Variants in CDIN1 observed in about 807,000 individuals in gnomAD.
The protein encoded by CDIN1 is CDAN1-interacting nuclease 1.
CDIN1 carries 33 observed loss-of-function variants against 45.3 expected under a neutral mutation model. That is an observed-to-expected ratio of 0.73 (90% CI 0.55 to 0.97). CDIN1 has a LOEUF of 0.97. Among genes scored for constraint, CDIN1 ranks in the 50% least tolerant of loss-of-function variants. CDIN1 has a pLI of 0.00. For missense variants in CDIN1, 303 were observed against 339.4 expected (o/e 0.89, Z 0.84); for synonymous variants, 118 against 124.4 (o/e 0.95, Z 0.34).
At chr15:36,735,195 T>G (rs775058813) in intron 10 of CDIN1, among the ~76,000 whole-genome samples, 2 of 152,190 alleles carry the variant, frequency 1.3e-5, no homozygotes, top group African/African-American at 2.4e-5. Context: ...GTTGTATAAT[T>G]TACAATATAC....
At chr15:36,737,050 C>A (rs531676285) in intron 10 of CDIN1, among the ~76,000 whole-genome samples, 88 of 152,084 alleles carry the variant, frequency 5.8e-4, no homozygotes, top group African/African-American at 2.0e-3. Flanking sequence ...CGCCTGTAAT[C>A]CCAGCTACTT....
chr15:36,725,355 C>A (rs1342110169), intron 10 of CDIN1, among the ~76,000 whole-genome samples: 2 of 148,122 alleles, frequency 1.4e-5, no homozygotes, highest in African/African-American at 2.5e-5. Flanking sequence ...CAAGCTGAAA[C>A]CCTTACTTGG....
At chr15:36,808,248 T>G (rs1013074339) in intron 10 of CDIN1, 76 bp from the exon 11 acceptor site, 4 of 1,572,258 alleles carry the variant, frequency 2.5e-6, no homozygotes, top group African/African-American at 1.4e-5. Flanking sequence ...AATCATCTTA[T>G]CAGTGCCCCA....
chr15:36,697,167 A>G (rs1033267533), intron 7 of CDIN1, among the ~76,000 whole-genome samples, 156 bp from the exon 8 acceptor site: 5 of 151,984 alleles, frequency 3.3e-5, no homozygotes, highest in Non-Finnish European at 7.4e-5. Flanking sequence ...GAAAAATTCT[A>G]TCCAATTATT....
At chr15:36,656,980 C>T (rs985680835) in intron 4 of CDIN1, among the ~76,000 whole-genome samples, 8 of 152,062 alleles carry the variant, frequency 5.3e-5, no homozygotes, top group Non-Finnish European at 1.2e-4. Flanking sequence ...CATTATTGTT[C>T]TTAAAAATGT....
chr15:36,704,590 T>C (rs2042794918), intron 8 of CDIN1: 1 of 150,834 alleles, frequency 6.6e-6, no homozygotes, highest in Admixed American at 6.6e-5. Flanking sequence ...AAAACCAGAA[T>C]AAAACAAAAT....
At position 36,691,739 on chromosome 15, in the gene CDIN1, G is replaced by C; in HGVS notation, c.401G>C (p.Gly134Ala). The C allele has an allele frequency of 6.2e-7, 1 of 1,602,250 alleles. No individual in the cohort carries two copies. Among genetic ancestry groups the C allele is most frequent in the Middle Eastern group, 1.7e-4 (1 of 6,048 alleles). Residue 134 changes from glycine to alanine, a missense_variant, in exon 6 of 11, where the codon GGA (glycine) becomes GCA (alanine). Coordinates refer to ENST00000566621, the MANE Select transcript of CDIN1 (RefSeq NM_001321759.2). ...MLRDPSQIPDGVLANQVYQCI... is the reference protein window; with the variant it reads ...MLRDPSQIPDAVLANQVYQCI... ...CGGGACCCTTCTCAGATTCCAGATG[G>C]AGTTCTAGCAAATCAGGTCTATCAG...
intron 8 of CDIN1, chr15:36,706,433 G>A (rs1157968315): frequency 6.6e-6 from 1 of 151,732 alleles, no homozygotes; most frequent in Non-Finnish European, 1.5e-5. Context: ...GCCAACATGG[G>A]GAAACCTTGT....
chr15:36,719,011 G>A (rs2043314783), intron 10 of CDIN1, among the ~76,000 whole-genome samples: 1 of 151,504 alleles, frequency 6.6e-6, no homozygotes, highest in South Asian at 2.1e-4. Context: ...ATCTCTTGAG[G>A]CCAGGGGCTC....
intron 5 of CDIN1, among the ~76,000 whole-genome samples, chr15:36,674,127 C>G (rs10438399): frequency 0.025 from 3,829 of 152,166 alleles, 155 homozygotes; most frequent in African/African-American, 0.088. Context: ...TAAGCGTATG[C>G]TTGTGGTGTT....
chr15:36,694,238 A>G (rs2042347014), intron 7 of CDIN1, among the ~76,000 whole-genome samples: 1 of 152,194 alleles, frequency 6.6e-6, no homozygotes, highest in South Asian at 2.1e-4. Flanking sequence ...AGTTTCATAT[A>G]ATGTATAAAT....
intron 10 of CDIN1, among the ~76,000 whole-genome samples, chr15:36,741,334 C>G (rs16963978): frequency 0.036 from 5,543 of 152,208 alleles, 351 homozygotes; most frequent in African/African-American, 0.13. Context: ...ACTTTACCTT[C>G]CATATTTCCT....
intron 10 of CDIN1, among the ~76,000 whole-genome samples, chr15:36,718,812 C>CTTT (rs3045909): frequency 2.4e-4 from 23 of 96,642 alleles, no homozygotes; most frequent in East Asian, 6.9e-4. Flanking sequence ...AATTTGTATG[C>CTTT]TTTTTTTTTT....
chr15:36,618,423 A>C, intron 1 of CDIN1: 1 of 784,336 alleles, frequency 1.3e-6, no homozygotes, highest in East Asian at 2.4e-5. Context: ...GGGCAGGAGA[A>C]CTCTTTTCAG....
At chr15:36,707,450 A>G (rs1296430644) in intron 8 of CDIN1, 1 of 152,110 alleles carries the variant, frequency 6.6e-6, no homozygotes, top group East Asian at 1.9e-4. Flanking sequence ...GGGATTGTTA[A>G]TTCTCATATT....
At chr15:36,734,119 A>G (rs1206947672) in intron 10 of CDIN1, among the ~76,000 whole-genome samples, 5 of 152,234 alleles carry the variant, frequency 3.3e-5, no homozygotes, top group South Asian at 2.1e-4. Flanking sequence ...ATTGAAGTAT[A>G]TAACAGTGTT....
chr15:36,734,935 C>T (rs114677139), intron 10 of CDIN1, among the ~76,000 whole-genome samples: 3,195 of 152,246 alleles, frequency 0.021, 116 homozygotes, highest in African/African-American at 0.073. Context: ...CTAGTGAACA[C>T]TAGATACATA....
At chr15:36,707,288 TGA>T (rs2042901796) in intron 8 of CDIN1, 1 of 150,644 alleles carries the variant, frequency 6.6e-6, no homozygotes. Context: ...AGAGAAAGAG[TGA>T]GAGGGAGGGA....
At chr15:36,793,382 C>T (rs1852700673) in intron 10 of CDIN1, among the ~76,000 whole-genome samples, 1 of 151,874 alleles carries the variant, frequency 6.6e-6, no homozygotes. Context: ...GAGCACTATA[C>T]TAGAAGTAAG....
Sources: allele counts gnomAD v4.1 joint callset (sites outside exome capture counted in the v4.1 genomes callset), GRCh38; gene constraint gnomAD v4.1.1; transcripts MANE v1.5; gene names NCBI Gene and HGNC (gene_info 2026-07-23, HGNC 2026-07-21).